Variants in SH2D3A observed in about 807,000 individuals in gnomAD.
SH2D3A encodes the protein SH2 domain-containing protein 3A.
In SH2D3A, 46 loss-of-function variants were observed where a neutral mutation model predicts 50.6. That is an observed-to-expected ratio of 0.91 (90% CI 0.72 to 1.16). The LOEUF (loss-of-function observed/expected upper bound fraction) is 1.16, where lower values mean the gene tolerates loss of function less well. SH2D3A is among the 50% of genes most tolerant of loss of function. The pLI, the probability that SH2D3A is intolerant of heterozygous loss-of-function variation, is 0.00. For synonymous variants in SH2D3A, 377 were observed against 348.4 expected, an observed-to-expected ratio of 1.08 and a Z score of -0.91; for missense variants, 783 against 786.2, an observed-to-expected ratio of 1.00 and a Z score of 0.05.
In SH2D3A at chr19:6,755,231, A is replaced by G; in HGVS notation, c.581T>C (p.Val194Ala). ...LLKAPAPLGT[V>A]ADSLRASDGQ... The stretch of plus-strand genomic sequence containing the variant: ...ATCGGAGGCCCTGAGACTGTCGGCA[A>G]CAGTTCCCAGGGGAGCAGGGGCCTT... The change falls in exon 5 of 10, where the codon GTT becomes GCT. Residue 194 changes from valine (V) to alanine (A), a missense_variant. Coordinates refer to ENST00000245908, the MANE Select transcript of SH2D3A (RefSeq NM_005490.3). 1 of 1,550,998 alleles carries G rather than the reference A, an allele frequency of 6.4e-7. No individual in the cohort carries two copies. Among genetic ancestry groups the G allele is most frequent in the South Asian group, 1.2e-5 (1 of 81,574 alleles).
Position 6,754,516 on chromosome 19 carries a change from C to G in SH2D3A, c.1098-91G>C. 2.5e-6 allele frequency: 4 copies of G among 1,573,602 alleles called. No individual in the cohort carries two copies. The South Asian group carries it at 3.5e-5, about 14-fold the overall frequency. ...ACAGGAGGTGGCATTGCCCCATCTC[C>G]CTTCTTCCCTGGGGAACCATGAGTG... On this transcript the variant is annotated intron_variant, in intron 6 of 9. Coordinates refer to ENST00000245908, the MANE Select transcript of SH2D3A (RefSeq NM_005490.3).
chr19:6,763,903 A>ATTTT (rs1568270967), intron 1 of SH2D3A, 87 bp from the exon 2 acceptor site: 5 of 266,818 alleles, frequency 1.9e-5, no homozygotes, highest in South Asian at 7.5e-5. Context: ...GCTCCATCAA[A>ATTTT]TCTTTTTTTT....
intron 1 of SH2D3A, among the ~76,000 whole-genome samples, chr19:6,765,859 C>T (rs1970278504): frequency 6.6e-6 from 1 of 151,858 alleles, no homozygotes; most frequent in Admixed American, 6.6e-5. Context: ...CCTTCTATTT[C>T]GGAGCCCATA....
chr19:6,753,292 G>A (rs1969431916), intron 9 of SH2D3A, 164 bp downstream of exon 9: 1 of 985,444 alleles, frequency 1.0e-6, no homozygotes, highest in African/African-American at 1.7e-5. Context: ...TGCAGCGTTT[G>A]CTTGGGGTGA....
At chr19:6,755,915 C>A (rs915545146) in intron 4 of SH2D3A, among the ~76,000 whole-genome samples, 1 of 150,878 alleles carries the variant, frequency 6.6e-6, no homozygotes, top group South Asian at 2.1e-4. Context: ...CTTGTTTCTA[C>A]AAAAAGTTAG....
chr19:6,756,496 A>G (rs2145588463), intron 4 of SH2D3A, among the ~76,000 whole-genome samples: 1 of 151,412 alleles, frequency 6.6e-6, no homozygotes, highest in South Asian at 2.1e-4. Context: ...GTGCAGGTTC[A>G]GTATCTGTGT....
At chr19:6,755,885 C>G (rs1250963411) in intron 4 of SH2D3A, among the ~76,000 whole-genome samples, 1 of 150,932 alleles carries the variant, frequency 6.6e-6, no homozygotes, top group Non-Finnish European at 1.5e-5. Context: ...TCCAGACCAG[C>G]CTGGGCAACA....
chr19:6,754,151 C>T lies in SH2D3A; in HGVS notation c.1285G>A (p.Glu429Lys), dbSNP rs1969501132. ...ALLMPQVSRLEHTWRQLRRSH... is the reference protein window; with the variant it reads ...ALLMPQVSRLKHTWRQLRRSH... The stretch of plus-strand genomic sequence containing the variant: ...CTTCGGAGCTGGCGCCACGTGTGCT[C>T]CAACCGGGACACCTGGGAGAAGAGA... The change falls in exon 8 of 10, where the codon GAG becomes AAG. Residue 429 changes from glutamate to lysine, a missense_variant. By Grantham distance (56) the Glu-to-Lys change is moderately conservative. Coordinates refer to ENST00000245908, the MANE Select transcript of SH2D3A (RefSeq NM_005490.3). 1 of 1,613,106 alleles carries T rather than the reference C, an allele frequency of 6.2e-7. No individual in the cohort carries two copies. Among genetic ancestry groups the T allele is most frequent in the Non-Finnish European group, 8.5e-7 (1 of 1,179,690 alleles).
chr19:6,761,006 G>A lies in SH2D3A; in HGVS notation c.70-19C>T. On this transcript the variant is annotated intron_variant, in intron 2 of 9. Coordinates refer to ENST00000245908, the MANE Select transcript of SH2D3A (RefSeq NM_005490.3). ...CAGCCTTCTGTGGATGAAGTTCAGG[G>A]GGCAGGGGAATTAGGAATGAGTCCA... The A allele has an allele frequency of 6.3e-7, 1 of 1,582,118 alleles. No individual in the cohort carries two copies. Among genetic ancestry groups the A allele is most frequent in the Non-Finnish European group, 8.6e-7 (1 of 1,160,822 alleles).
At position 6,754,045 on chromosome 19, in the gene SH2D3A, C is replaced by T. The variant is rs767217620; in HGVS notation, c.1384+7G>A. 1.3e-5 allele frequency: 21 copies of T among 1,593,556 alleles called. No individual in the cohort carries two copies. The African/African-American group carries it at 2.2e-4, about 16-fold the overall frequency. On this transcript the variant is annotated splice_region_variant and intron_variant, in intron 8 of 9. Transcript: ENST00000245908. ...CAGGGGATGCTAAGCCCCAGACCTT[C>T]ACTTACCAGCGCCCTCATCCAGAGC...
chr19:6,761,595 C>G (rs928079659), intron 2 of SH2D3A, among the ~76,000 whole-genome samples: 4 of 152,126 alleles, frequency 2.6e-5, no homozygotes, highest in Non-Finnish European at 5.9e-5. Context: ...GATTGGGGCC[C>G]CCTCTTTTAT....
chr19:6,754,486 G>GGGGGACA, intron 6 of SH2D3A, 61 bp from the exon 7 acceptor site: 3 of 1,542,468 alleles, frequency 1.9e-6, no homozygotes, highest in Non-Finnish European at 2.6e-6. Context: ...CAGGGGTGAG[G>GGGGGACA]GGGGACAGGA....
Position 6,752,500 on chromosome 19 carries a change from T to A in SH2D3A, c.*93A>T, listed in dbSNP as rs1423727914. ...GTGAGGCACAGGGCAGGATTCCACCTGAGGCGCGAGGAGCCTGGGACGACT... is the reference window on the plus strand; with the variant it reads ...GTGAGGCACAGGGCAGGATTCCACCAGAGGCGCGAGGAGCCTGGGACGACT... On this transcript the variant is annotated 3_prime_UTR_variant, in exon 10 of 10. Coordinates refer to ENST00000245908, the MANE Select transcript of SH2D3A (RefSeq NM_005490.3). The A allele has an allele frequency of 8.1e-7, 1 of 1,239,914 alleles. No individual in the cohort carries two copies. The highest frequency in any genetic ancestry group is 1.5e-5 in the African/African-American group (1 of 66,058). The allele number at this position is 1,239,914 out of a possible 1,614,324, so 76.8% of individuals were successfully genotyped here. A position where few individuals can be genotyped will look rare whatever the true frequency, so the allele number is the denominator to read the frequency against.
intron 9 of SH2D3A, 195 bp downstream of exon 9, chr19:6,753,261 G>A (rs547410324): frequency 4.3e-4 from 426 of 985,300 alleles, no homozygotes; most frequent in Non-Finnish European, 5.0e-4. Context: ...GGACGGCCCT[G>A]TTCCTATCAA....
chr19:6,759,773 C>G (rs1969903423), intron 3 of SH2D3A, 103 bp from the exon 4 acceptor site: 1 of 1,175,750 alleles, frequency 8.5e-7, no homozygotes, highest in Middle Eastern at 2.2e-4. Flanking sequence ...CAGTGAGTCT[C>G]AACCAATCAA....
chr19:6,762,286 C>T (rs1478314088), intron 2 of SH2D3A, among the ~76,000 whole-genome samples: 2 of 151,892 alleles, frequency 1.3e-5, no homozygotes, highest in East Asian at 1.9e-4. Context: ...TGGGTTCAAG[C>T]GATTCTGCTG....
intron 9 of SH2D3A, chr19:6,753,207 A>C (rs1016183044): frequency 1.0e-6 from 1 of 984,182 alleles, no homozygotes; most frequent in Admixed American, 6.2e-5. Context: ...GGGAGTGGGG[A>C]CCCGCGGAGG....
At chr19:6,763,633 G>A (rs769683145) in intron 2 of SH2D3A, 47 bp downstream of exon 2, 5 of 1,579,806 alleles carry the variant, frequency 3.2e-6, no homozygotes, top group Non-Finnish European at 4.3e-6. Flanking sequence ...GCAAGGGTGG[G>A]AGAGGCTCCC....
intron 3 of SH2D3A, among the ~76,000 whole-genome samples, chr19:6,760,021 G>C (rs766978829): frequency 3.3e-5 from 5 of 151,472 alleles, no homozygotes; most frequent in East Asian, 1.9e-4. Flanking sequence ...GGGCGGTCAC[G>C]TGAGGTCAAA....
Sources: allele counts gnomAD v4.1 joint callset (sites outside exome capture counted in the v4.1 genomes callset), GRCh38; gene constraint gnomAD v4.1.1; transcripts MANE v1.5; gene names NCBI Gene and HGNC (gene_info 2026-07-23, HGNC 2026-07-21).